The following ZFPM1 variants were observed in gnomAD, a reference collection of about 807,000 sequenced individuals.
The protein encoded by ZFPM1 is zinc finger protein ZFPM1.
ZFPM1 carries 28 observed loss-of-function variants against 46.3 expected under a neutral mutation model. The observed-to-expected ratio is 0.60, with a 90% CI of 0.45 to 0.83. ZFPM1 has a LOEUF of 0.83. ZFPM1 is among the 40% of genes least tolerant of loss of function. The pLI is 0.00. For missense variants in ZFPM1, 1,878 were observed against 1,432.4 expected, an observed-to-expected ratio of 1.31 and a Z score of -5.02; for synonymous variants, 957 against 675.9, an observed-to-expected ratio of 1.42 and a Z score of -6.45.
Position 88,534,810 on chromosome 16 carries a change from C to A in ZFPM1, c.2852C>A (p.Ser951Tyr), listed in dbSNP as rs1913158520. 2 of 1,473,318 alleles carry A rather than the reference C, an allele frequency of 1.4e-6. No homozygotes were observed. The highest frequency in any genetic ancestry group is 2.1e-5 in the Admixed American group (1 of 48,086). The allele number at this position is 1,473,318 out of a possible 1,614,324, so 91.3% of individuals were successfully genotyped here. A position where few individuals can be genotyped will look rare whatever the true frequency, so the allele number is the denominator to read the frequency against. The change falls in exon 10 of 10, where the codon TCC (serine) becomes TAC (tyrosine). Residue 951 changes from serine (S) to tyrosine (Y), a missense_variant. Physicochemically the swap from Ser to Tyr is moderately radical, Grantham distance 144 (BLOSUM62 -2). Coordinates refer to ENST00000319555, the MANE Select transcript of ZFPM1 (RefSeq NM_153813.3). ...EAVPPPPAPPSYSDKGVQTPS... is the reference protein window; with the variant it reads ...EAVPPPPAPPYYSDKGVQTPS... ...GTGCCGCCCCCGCCGGCGCCCCCCT[C>A]CTACTCGGACAAGGGCGTCCAGACT...
intron 4 of ZFPM1, among the ~76,000 whole-genome samples, chr16:88,517,626 G>A (rs1223570260): frequency 1.3e-5 from 2 of 151,404 alleles, no homozygotes; most frequent in East Asian, 3.9e-4. Flanking sequence ...TGGATGGATA[G>A]GTGGGTAGAT....
At chr16:88,493,687 C>T (rs1170563111) in intron 3 of ZFPM1, among the ~76,000 whole-genome samples, 2 of 151,896 alleles carry the variant, frequency 1.3e-5, no homozygotes, top group Non-Finnish European at 2.9e-5. Context: ...TTGCGGAGAG[C>T]TGTCCTGGCA....
intron 2 of ZFPM1, 32 bp from the exon 3 acceptor site, chr16:88,488,996 TCAG>T: frequency 6.3e-7 from 1 of 1,597,140 alleles, no homozygotes; most frequent in Admixed American, 1.7e-5. Flanking sequence ...TGCCCGGCAC[TCAG>T]CAGGGATGTG....
rs62048980 is a variant in ZFPM1 at position 88,510,724 on chromosome 16, C to T, written c.269-3663C>T. 2.2e-3 allele frequency among the ~76,000 whole-genome samples: 340 copies of T among 152,330 alleles called. 1 individual carries two copies. The highest frequency in any genetic ancestry group is 3.7e-3 in the Non-Finnish European group (251 of 68,030). On this transcript the variant is annotated intron_variant, in intron 3 of 9. Transcript: ENST00000319555. ...AGGTCAGAGCAGGAAGAGTCAGCCA[C>T]GGGGCCACCAGCCGCTGCCTCCCAC... is the stretch of plus-strand genomic sequence containing the variant.
intron 1 of ZFPM1, among the ~76,000 whole-genome samples, chr16:88,455,810 C>G (rs952728275): frequency 1.3e-5 from 2 of 152,220 alleles, no homozygotes; most frequent in Admixed American, 1.3e-4. Context: ...GGAGCGCGGC[C>G]TTGGCCGGCC....
rs1405984934 is a variant in ZFPM1 at position 88,535,492 on chromosome 16, C to A, written c.*513C>A. On this transcript the variant is annotated 3_prime_UTR_variant, in exon 10 of 10. Coordinates refer to ENST00000319555, the MANE Select transcript of ZFPM1 (RefSeq NM_153813.3). ...GAGGGGCACTGACCTGGCTGGCCAT[C>A]CCCCAACCCTGCATGGTCCTGGGGG... 6.6e-6 allele frequency: 1 copy of A among 152,474 alleles called. No homozygotes were observed. The highest frequency in any genetic ancestry group is 1.5e-5 in the Non-Finnish European group (1 of 68,206). The allele number at this position is 152,474 out of a possible 1,614,324, so 9.4% of individuals were successfully genotyped here.
chr16:88,477,008 C>G (rs1391522916), intron 1 of ZFPM1, among the ~76,000 whole-genome samples: 2 of 152,396 alleles, frequency 1.3e-5, no homozygotes, highest in South Asian at 2.1e-4. Context: ...CACGCCCGTG[C>G]GCCGGGTCCC....
chr16:88,457,970 A>C (rs777017990), intron 1 of ZFPM1, among the ~76,000 whole-genome samples: 2 of 152,152 alleles, frequency 1.3e-5, no homozygotes, highest in Non-Finnish European at 2.9e-5. Flanking sequence ...GCTCATGATC[A>C]TTTGATGGTA....
At chr16:88,514,948 G>C (rs540840296) in intron 4 of ZFPM1, among the ~76,000 whole-genome samples, 30 of 152,304 alleles carry the variant, frequency 2.0e-4, no homozygotes, top group Middle Eastern at 3.4e-3. Flanking sequence ...ACGGCCGTCA[G>C]GCCCATGGTC....
chr16:88,461,053 C>CCTGGTGAGGACCGAGGGGCGGGAGG (rs1907829013), intron 1 of ZFPM1, among the ~76,000 whole-genome samples: 1 of 57,096 alleles, frequency 1.8e-5, no homozygotes, highest in Non-Finnish European at 3.2e-5. Context: ...GGGCGGGAGG[C>CCTGGTGAGGACCGAGGGGCGGGAGG]CCTGGTGAGG....
At chr16:88,468,767 TG>T (rs1908277443) in intron 1 of ZFPM1, among the ~76,000 whole-genome samples, 2 of 148,114 alleles carry the variant, frequency 1.4e-5, no homozygotes, top group South Asian at 4.5e-4. Flanking sequence ...GGTATGCAAA[TG>T]AGCAGGGGTG....
chr16:88,453,485 CT>C lies in ZFPM1; in HGVS notation c.-153del, dbSNP rs1469280737. 1 of 212,702 alleles carries C rather than the reference CT, an allele frequency of 4.7e-6. No homozygotes were observed. Among genetic ancestry groups the C allele is most frequent in the Non-Finnish European group, 7.8e-6 (1 of 128,562 alleles). The allele number at this position is 212,702 out of a possible 1,614,324, so 13.2% of individuals were successfully genotyped here. A position where few individuals can be genotyped will look rare whatever the true frequency, so the allele number is the denominator to read the frequency against. ...CGCGGCAGCTCCAGCGGCTCCGGGG[CT>C]GGGCGCGCGGGCTGGGGGCGCGGGC... On this transcript the variant is annotated 5_prime_UTR_variant, in exon 1 of 10. Transcript: ENST00000319555.
Position 88,456,121 on chromosome 16 carries a change from G to A in ZFPM1, c.40+2443G>A, listed in dbSNP as rs540668419. On this transcript the variant is annotated intron_variant, in intron 1 of 9. Coordinates refer to ENST00000319555, the MANE Select transcript of ZFPM1 (RefSeq NM_153813.3). The stretch of plus-strand genomic sequence containing the variant: ...GCGTCCCTGCGCTGGTCTGTCTGGG[G>A]GAGTTTTCTCCCCAAACACACTTAA... Among the ~76,000 whole-genome samples, 17 of 152,388 alleles carry A rather than the reference G, an allele frequency of 1.1e-4. No homozygotes were observed. The East Asian group carries it at 3.3e-3, about 29-fold the overall frequency.
rs760708382 is a variant in ZFPM1, at chr16:88,528,183, G to C, written c.657G>C (p.Gln219His). 29 of 1,610,392 alleles carry C rather than the reference G, an allele frequency of 1.8e-5. No homozygotes were observed. In the South Asian group the frequency reaches 3.2e-4, roughly 18 times the overall value. The change falls in exon 6 of 10, where the codon CAG (glutamine) becomes CAC (histidine). Residue 219 changes from glutamine (Q) to histidine (H), a missense_variant. Transcript: ENST00000319555. ...GCCCGGCCCCTGCACACGACCTCCAGCTCCTGCCCCAGCAGGCCGGGATGG... is the reference window on the plus strand; with the variant it reads ...GCCCGGCCCCTGCACACGACCTCCACCTCCTGCCCCAGCAGGCCGGGATGG... ...PTCPAPAHDL[Q>H]LLPQQAGMAS...
At chr16:88,476,033 C>G (rs951340276) in intron 1 of ZFPM1, among the ~76,000 whole-genome samples, 28 of 152,052 alleles carry the variant, frequency 1.8e-4, no homozygotes, top group Non-Finnish European at 3.4e-4. Flanking sequence ...GCTGGTGCCC[C>G]ATGACCCTGA....
rs1378039421 is a variant in ZFPM1, at chr16:88,471,288, G to T, written c.41-14651G>T. On this transcript the variant is annotated intron_variant, in intron 1 of 9. Coordinates refer to ENST00000319555, the MANE Select transcript of ZFPM1 (RefSeq NM_153813.3). The surrounding 1 kb of genome is among the most constrained non-coding windows in gnomAD (Gnocchi z 4.1). ...CATGTGTGACCTCCACCCTCGCGAA[G>T]GCCAGCGGCCGCAGGGTCTGGCTTG... 6.6e-6 allele frequency among the ~76,000 whole-genome samples: 1 copy of T among 152,258 alleles called. No individual in the cohort carries two copies. Among genetic ancestry groups the T allele is most frequent in the East Asian group, 1.9e-4 (1 of 5,202 alleles).
chr16:88,514,067 G>A (rs778990817), intron 3 of ZFPM1, among the ~76,000 whole-genome samples: 18 of 152,272 alleles, frequency 1.2e-4, no homozygotes, highest in Non-Finnish European at 2.5e-4. Context: ...TCAGGCCAGC[G>A]TTGCACTGTG....
intron 3 of ZFPM1, among the ~76,000 whole-genome samples, chr16:88,499,906 A>C (rs1910153189): frequency 6.6e-6 from 1 of 152,070 alleles, no homozygotes; most frequent in Admixed American, 6.5e-5. Context: ...GCAGAGGGTG[A>C]GCGGACAGTG....
At chr16:88,526,658 C>A (rs1912348621) in intron 4 of ZFPM1, among the ~76,000 whole-genome samples, 156 bp from the exon 5 acceptor site, 1 of 152,252 alleles carries the variant, frequency 6.6e-6, no homozygotes, top group South Asian at 2.1e-4. Context: ...CCATGCCACA[C>A]CTCTGCCAGC....
Sources: allele counts gnomAD v4.1 joint callset (sites outside exome capture counted in the v4.1 genomes callset), GRCh38; gene constraint gnomAD v4.1.1; non-coding constraint Gnocchi (gnomAD v3.1); transcripts MANE v1.5; gene names NCBI Gene and HGNC (gene_info 2026-07-23, HGNC 2026-07-21).